The following PPM1L variants were observed in gnomAD, a reference collection of about 807,000 sequenced individuals.
PPM1L encodes protein phosphatase 1L.
A neutral mutation model predicts 31.4 loss-of-function variants in PPM1L; 13 were observed. The observed-to-expected ratio is 0.41, with a 90% CI of 0.27 to 0.66. PPM1L has a LOEUF of 0.66. Ranked by LOEUF, PPM1L falls within the 30% of genes least tolerant of loss-of-function variation. The probability of loss-of-function intolerance (pLI) is 0.29; values close to 1 mark genes in which losing one functional copy is unlikely to be tolerated. For synonymous variants in PPM1L, 184 were observed against 175.4 expected (o/e 1.05, Z -0.39); for missense variants, 326 against 453.7 (o/e 0.72, Z 2.56).
At chr3:160,843,457 TATATATATATATG>T (rs1411918487) in intron 1 of PPM1L, among the ~76,000 whole-genome samples, 9 of 125,132 alleles carry the variant, frequency 7.2e-5, no homozygotes, top group Non-Finnish European at 1.1e-4. Flanking sequence ...TATATATATA[TATATATATATATG>T]TTTTTTTTAA....
intron 3 of PPM1L, among the ~76,000 whole-genome samples, chr3:161,066,533 A>G (rs1362926060): frequency 1.3e-5 from 2 of 152,210 alleles, no homozygotes; most frequent in Non-Finnish European, 2.9e-5. Context: ...TGTTTGGACA[A>G]AGACTCGGAG....
At chr3:160,900,904 C>A (rs1331942438) in intron 1 of PPM1L, among the ~76,000 whole-genome samples, 1 of 152,094 alleles carries the variant, frequency 6.6e-6, no homozygotes, top group Non-Finnish European at 1.5e-5. Context: ...AGTTCTTTGT[C>A]CTCACCTTTC....
chr3:160,847,482 C>G (rs1190059582), intron 1 of PPM1L, among the ~76,000 whole-genome samples: 1 of 152,070 alleles, frequency 6.6e-6, no homozygotes, highest in Non-Finnish European at 1.5e-5. Context: ...GAAAGGAATG[C>G]AAGACTTCAA....
intron 1 of PPM1L, among the ~76,000 whole-genome samples, chr3:160,885,655 C>G (rs571535034): frequency 6.6e-6 from 1 of 152,382 alleles, no homozygotes; most frequent in African/African-American, 2.4e-5. Context: ...CCAAGGGAGG[C>G]AGTGAGTGAG....
At chr3:161,041,753 A>G (rs1718917343) in intron 2 of PPM1L, among the ~76,000 whole-genome samples, 1 of 152,150 alleles carries the variant, frequency 6.6e-6, no homozygotes, top group Non-Finnish European at 1.5e-5. Context: ...GCCTCAAAAA[A>G]CAAACAAACA....
chr3:160,786,204 TATA>T (rs1479214824), intron 1 of PPM1L, among the ~76,000 whole-genome samples: 5 of 82,500 alleles, frequency 6.1e-5, no homozygotes, highest in Non-Finnish European at 1.1e-4. Context: ...TATATATATA[TATA>T]TTTTTTTTTT....
At chr3:161,033,044 G>A (rs1718627986) in intron 2 of PPM1L, among the ~76,000 whole-genome samples, 1 of 139,154 alleles carries the variant, frequency 7.2e-6, no homozygotes, top group South Asian at 2.4e-4. Flanking sequence ...TCACATCCAG[G>A]GAGGAGATAG....
chr3:161,056,626 T>C (rs1719420433), intron 2 of PPM1L, among the ~76,000 whole-genome samples: 1 of 152,142 alleles, frequency 6.6e-6, no homozygotes, highest in African/African-American at 2.4e-5. Flanking sequence ...AGTGTCTATA[T>C]TTGCATAGTA....
chr3:160,887,310 C>T (rs1159217079), intron 1 of PPM1L, among the ~76,000 whole-genome samples: 3 of 151,830 alleles, frequency 2.0e-5, no homozygotes, highest in Non-Finnish European at 4.4e-5. Context: ...AGGAGAACTT[C>T]CCCAACTGAG....
chr3:160,816,932 A>G (rs983303276), intron 1 of PPM1L, among the ~76,000 whole-genome samples: 3 of 152,120 alleles, frequency 2.0e-5, no homozygotes, highest in Admixed American at 6.6e-5. Context: ...ATTGATTAGA[A>G]TAGTGATCAA....
chr3:160,924,392 A>G (rs1259301378), intron 1 of PPM1L, among the ~76,000 whole-genome samples: 1 of 152,188 alleles, frequency 6.6e-6, no homozygotes, highest in Non-Finnish European at 1.5e-5. Flanking sequence ...CTCTCTTTTT[A>G]TCTGAAACTT....
At chr3:160,816,173 CCTT>C (rs1055932661) in intron 1 of PPM1L, among the ~76,000 whole-genome samples, 3 of 151,926 alleles carry the variant, frequency 2.0e-5, no homozygotes, top group African/African-American at 7.3e-5. Flanking sequence ...CTTCTCTCCT[CCTT>C]AAGAGTAAAA....
At position 160,911,090 on chromosome 3, in the gene PPM1L, A is replaced by G. The variant is rs144446788; in HGVS notation, c.400-50646A>G. On this transcript the variant is annotated intron_variant, in intron 1 of 3. Transcript: ENST00000498165. Reference sequence around the variant, plus strand: ...TTTCATGTGTGATGCTTTGGGTATCAGGGATATGCATAGCTTCATAAATAA... The same window carrying G: ...TTTCATGTGTGATGCTTTGGGTATCGGGGATATGCATAGCTTCATAAATAA... 9.8e-5 allele frequency among the ~76,000 whole-genome samples: 15 copies of G among 152,324 alleles called. No homozygotes were observed. The East Asian group carries it at 2.7e-3, about 27-fold the overall frequency.
chr3:160,841,171 C>CT (rs958449433), intron 1 of PPM1L, among the ~76,000 whole-genome samples: 63 of 145,986 alleles, frequency 4.3e-4, no homozygotes, highest in African/African-American at 5.3e-4. Flanking sequence ...GAGTCCAAGA[C>CT]TTTTTTTTTT....
intron 1 of PPM1L, among the ~76,000 whole-genome samples, chr3:160,778,144 G>A (rs1711615004): frequency 6.6e-6 from 1 of 151,520 alleles, no homozygotes; most frequent in Non-Finnish European, 1.5e-5. Flanking sequence ...TCTGCTTATT[G>A]GCCATCATTT....
intron 1 of PPM1L, among the ~76,000 whole-genome samples, chr3:160,922,968 C>G (rs112786331): frequency 1.3e-5 from 2 of 152,112 alleles, no homozygotes; most frequent in Admixed American, 6.5e-5. Flanking sequence ...TTTCTGCCAA[C>G]GAATAAACTA....
rs554123780 is a variant in PPM1L, at chr3:160,850,928, T to C, written c.399+94221T>C. On this transcript the variant is annotated intron_variant, in intron 1 of 3. Coordinates refer to ENST00000498165, the MANE Select transcript of PPM1L (RefSeq NM_139245.4). ...GTTTTTCTCTCTTACAGTTTTTTGG[T>C]CATTACTGTTTTCCCATACTTGTCA... 4.6e-5 allele frequency among the ~76,000 whole-genome samples: 7 copies of C among 151,602 alleles called. No homozygotes were observed. In the South Asian group the frequency reaches 1.5e-3, roughly 32 times the overall value.
In PPM1L at chr3:160,756,752, CGTGTGTGTGTGTGTGTGTGT is replaced by C. The variant is rs113273287; in HGVS notation, c.399+64_399+83del. The stretch of plus-strand genomic sequence containing the variant: ...TTTGTATTTGTGTCCGTGTATGTCT[CGTGTGTGTGTGTGTGTGTGT>C]GTGTGTGTGTGTGTGTGTATAAACA... On this transcript the variant is annotated intron_variant, in intron 1 of 3. Coordinates refer to ENST00000498165, the MANE Select transcript of PPM1L (RefSeq NM_139245.4). The surrounding 1 kb of genome is among the most constrained non-coding windows in gnomAD (Gnocchi z 6.2). 1.4e-4 allele frequency: 144 copies of C among 1,016,784 alleles called. No homozygotes were observed. Among genetic ancestry groups the C allele is most frequent in the East Asian group, 2.9e-4 (11 of 37,934 alleles). The allele number at this position is 1,016,784 out of a possible 1,614,324, so 63.0% of individuals were successfully genotyped here.
intron 2 of PPM1L, among the ~76,000 whole-genome samples, chr3:161,034,726 T>C (rs931342936): frequency 1.3e-5 from 2 of 149,526 alleles, no homozygotes; most frequent in African/African-American, 4.9e-5. Context: ...AGGGGAGGGA[T>C]AGCATTAGGA....
Sources: allele counts gnomAD v4.1 joint callset (sites outside exome capture counted in the v4.1 genomes callset), GRCh38; gene constraint gnomAD v4.1.1; non-coding constraint Gnocchi (gnomAD v3.1); transcripts MANE v1.5; gene names NCBI Gene and HGNC (gene_info 2026-07-23, HGNC 2026-07-21).